ARHGAP22: variants seen among roughly 807,000 people sequenced by gnomAD.
The protein encoded by ARHGAP22 is rho GTPase-activating protein 22.
In ARHGAP22, 48 loss-of-function variants were observed where a neutral mutation model predicts 59.1. That is an observed-to-expected ratio of 0.81 (90% CI 0.64 to 1.03). The LOEUF (loss-of-function observed/expected upper bound fraction) is 1.03, where lower values mean the gene tolerates loss of function less well. Ranked by LOEUF, ARHGAP22 falls within the 50% of genes least tolerant of loss-of-function variation. ARHGAP22 has a pLI of 0.00. For missense variants in ARHGAP22, 1,015 were observed against 958.7 expected, an observed-to-expected ratio of 1.06 and a Z score of -0.78; for synonymous variants, 445 against 416.4, an observed-to-expected ratio of 1.07 and a Z score of -0.84.
At chr10:48,487,535 C>G (rs2049977180) in intron 3 of ARHGAP22, among the ~76,000 whole-genome samples, 1 of 152,146 alleles carries the variant, frequency 6.6e-6, no homozygotes. Context: ...TGAGAAGAAC[C>G]TGATCTGTCA....
rs1820204086 is a variant in ARHGAP22 at position 48,634,954 on chromosome 10, A to G, written c.52+17280T>C. Among the ~76,000 whole-genome samples the G allele has an allele frequency of 3.3e-5, 5 of 152,234 alleles. No homozygotes were observed. The South Asian group carries it at 1.0e-3, about 32-fold the overall frequency. On this transcript the variant is annotated intron_variant, in intron 1 of 9. Transcript: ENST00000435790. ...AAGGTGATATTTACAAGCCAAGGAGAGAGGAGAAAGAAGCTTGCTAACACA... is the reference window on the plus strand; with the variant it reads ...AAGGTGATATTTACAAGCCAAGGAGGGAGGAGAAAGAAGCTTGCTAACACA...
intron 1 of ARHGAP22, among the ~76,000 whole-genome samples, chr10:48,590,071 C>T (rs1001879411): frequency 3.3e-5 from 5 of 151,942 alleles, no homozygotes; most frequent in African/African-American, 9.7e-5. Flanking sequence ...GAGTTAAGGT[C>T]GCAGTGTCAT....
chr10:48,434,375 A>G, the ARHGAP22 span, among the ~76,000 whole-genome samples: 2 of 152,318 alleles, frequency 1.3e-5, no homozygotes, highest in Admixed American at 6.5e-5. Context: ...TTAAAACAAG[A>G]TGTGCCAGAA....
chr10:48,447,400 A>G, intron 9 of ARHGAP22, among the ~76,000 whole-genome samples: 1 of 152,228 alleles, frequency 6.6e-6, no homozygotes, highest in Non-Finnish European at 1.5e-5. Context: ...CACAAGCCAC[A>G]GTGAAATGCA....
At chr10:48,441,596 T>C (rs2045204219), downstream of ARHGAP22, among the ~76,000 whole-genome samples, 2 of 151,736 alleles carry the variant, frequency 1.3e-5, no homozygotes, top group African/African-American at 4.8e-5. Context: ...GGACTACAGG[T>C]GCCCGCCACC....
intron 1 of ARHGAP22, among the ~76,000 whole-genome samples, chr10:48,632,681 G>C (rs1056317516): frequency 6.6e-6 from 1 of 152,280 alleles, no homozygotes; most frequent in East Asian, 1.9e-4. Flanking sequence ...AGTTTAGAGT[G>C]CACACAGGTC....
chr10:48,451,075 G>A lies in ARHGAP22; in HGVS notation c.1054C>T (p.Pro352Ser). 6.4e-7 allele frequency: 1 copy of A among 1,552,668 alleles called. No individual in the cohort carries two copies. The highest frequency in any genetic ancestry group is 1.2e-5 in the South Asian group (1 of 84,162). ...GGGGAGGTGGGCCCTTCCGGGACCG[G>A]TGCCGTGAAGAGCTGGCTGTGTTTG... ...IRKHSQLFTA[P>S]VPEGPTSPRG... The change falls in exon 9 of 10, where the codon CCG becomes TCG. Residue 352 changes from proline (P) to serine (S), a missense_variant. By Grantham distance (74) the Pro-to-Ser change is moderately conservative. Transcript: ENST00000249601.
chr10:48,603,331 T>C (rs546062200), intron 1 of ARHGAP22, among the ~76,000 whole-genome samples: 282 of 152,346 alleles, frequency 1.9e-3, no homozygotes, highest in African/African-American at 6.7e-3. Flanking sequence ...ATGAGTCACA[T>C]ATGTACTTGT....
chr10:48,563,076 C>G (rs1329300381), intron 2 of ARHGAP22, among the ~76,000 whole-genome samples: 1 of 152,070 alleles, frequency 6.6e-6, no homozygotes, highest in Admixed American at 6.6e-5. Context: ...TCTTCGAAGC[C>G]AGCAGCCTCA....
intron 4 of ARHGAP22, among the ~76,000 whole-genome samples, chr10:48,478,680 G>T (rs1050054947): frequency 1.3e-5 from 2 of 152,208 alleles, no homozygotes; most frequent in African/African-American, 4.8e-5. Context: ...ATCTTTTCAT[G>T]ACCACTTCAT....
intron 3 of ARHGAP22, among the ~76,000 whole-genome samples, chr10:48,518,051 C>T (rs2053460612): frequency 6.6e-6 from 1 of 152,118 alleles, no homozygotes; most frequent in South Asian, 2.1e-4. Context: ...GATGCTGGTT[C>T]CCTTTTTGAA....
At chr10:48,458,935 C>G (rs561508199) in intron 5 of ARHGAP22, among the ~76,000 whole-genome samples, 226 of 152,252 alleles carry the variant, frequency 1.5e-3, no homozygotes, top group African/African-American at 4.5e-3. Context: ...GTTCTGCCCC[C>G]AGAGGAGAAG....
intron 4 of ARHGAP22, among the ~76,000 whole-genome samples, chr10:48,467,077 A>T (rs2047790176): frequency 6.6e-6 from 1 of 152,220 alleles, no homozygotes; most frequent in African/African-American, 2.4e-5. Context: ...GTGGGGGTCC[A>T]GGCTCCAGGC....
chr10:48,513,378 T>C (rs1487702948), intron 3 of ARHGAP22, among the ~76,000 whole-genome samples: 4 of 152,190 alleles, frequency 2.6e-5, no homozygotes, highest in Non-Finnish European at 5.9e-5. Flanking sequence ...CTGTCTCTCA[T>C]CTCTGGCTGA....
chr10:48,463,129 G>A (rs2047313373), intron 4 of ARHGAP22, among the ~76,000 whole-genome samples: 1 of 152,208 alleles, frequency 6.6e-6, no homozygotes, highest in Non-Finnish European at 1.5e-5. Context: ...CACCAGGCCT[G>A]AGTTCCAAAA....
intron 3 of ARHGAP22, among the ~76,000 whole-genome samples, chr10:48,521,977 T>G (rs2053845425): frequency 6.6e-6 from 1 of 152,222 alleles, no homozygotes; most frequent in African/African-American, 2.4e-5. Context: ...CTTCCCGTGT[T>G]TATTGCAGAA....
At chr10:48,593,520 A>G (rs1299452671) in intron 1 of ARHGAP22, among the ~76,000 whole-genome samples, 1 of 152,274 alleles carries the variant, frequency 6.6e-6, no homozygotes, top group Non-Finnish European at 1.5e-5. Context: ...GCCATTATTA[A>G]GTAAAGTAAG....
chr10:48,439,375 A>G, the ARHGAP22 span: 1 of 151,728 alleles, frequency 6.6e-6, no homozygotes, highest in Non-Finnish European at 1.5e-5. Context: ...GAGTTTTTTC[A>G]TTGAAAACAA....
At chr10:48,583,810 G>T (rs536039136) in intron 1 of ARHGAP22, among the ~76,000 whole-genome samples, 31 of 152,300 alleles carry the variant, frequency 2.0e-4, no homozygotes, top group African/African-American at 7.0e-4. Context: ...TTCTTCAGCT[G>T]TTTGCTGTGC....
Sources: gnomAD v4.1 joint callset for allele counts (sites outside exome capture counted in the v4.1 genomes callset) on GRCh38, gnomAD v4.1.1 for gene constraint, MANE v1.5 for transcripts, NCBI Gene and HGNC (gene_info 2026-07-23, HGNC 2026-07-21) for gene names.